The following ITGA9 variants were observed in gnomAD, a reference collection of about 807,000 sequenced individuals.
The protein encoded by ITGA9 is integrin subunit alpha 9.
ITGA9 carries 56 observed loss-of-function variants against 127.8 expected under a neutral mutation model. The observed-to-expected ratio is 0.44, with a 90% CI of 0.35 to 0.55. The LOEUF (loss-of-function observed/expected upper bound fraction) is 0.55, where lower values mean the gene tolerates loss of function less well. Ranked by LOEUF, ITGA9 falls within the 20% of genes least tolerant of loss-of-function variation. The pLI, the probability that ITGA9 is intolerant of heterozygous loss-of-function variation, is 0.00. For synonymous variants in ITGA9, 508 were observed against 514.5 expected, an observed-to-expected ratio of 0.99 and a Z score of 0.17; for missense variants, 1,196 against 1,347.1, an observed-to-expected ratio of 0.89 and a Z score of 1.76.
At chr3:37,745,666 G>C (rs890109098) in intron 22 of ITGA9, 1 of 152,210 alleles carries the variant, frequency 6.6e-6, no homozygotes, top group Non-Finnish European at 1.5e-5. Flanking sequence ...AAGAAGAACA[G>C]GGGTTGCACA....
intron 18 of ITGA9, among the ~76,000 whole-genome samples, chr3:37,687,364 A>G (rs557358540): frequency 1.3e-3 from 197 of 151,574 alleles, no homozygotes; most frequent in Non-Finnish European, 1.3e-3. Flanking sequence ...AATTCAGAGA[A>G]AAAGAACAAA....
At chr3:37,599,555 G>A (rs1489992460) in intron 15 of ITGA9, among the ~76,000 whole-genome samples, 1 of 152,186 alleles carries the variant, frequency 6.6e-6, no homozygotes, top group African/African-American at 2.4e-5. Context: ...TGGGAAAATA[G>A]CCTCTTCCTG....
chr3:37,754,474 A>G (rs549453094), intron 23 of ITGA9, among the ~76,000 whole-genome samples: 30 of 152,346 alleles, frequency 2.0e-4, no homozygotes, highest in Admixed American at 3.9e-4. Context: ...AGTCCAGAAG[A>G]GATATAAAAT....
intron 4 of ITGA9, among the ~76,000 whole-genome samples, chr3:37,490,330 T>C (rs867199035): frequency 2.0e-5 from 3 of 152,224 alleles, no homozygotes; most frequent in Non-Finnish European, 1.5e-5. Flanking sequence ...CTGAACATAT[T>C]GACATACTGA....
At chr3:37,625,419 C>T (rs1006228117) in intron 15 of ITGA9, among the ~76,000 whole-genome samples, 2 of 152,326 alleles carry the variant, frequency 1.3e-5, no homozygotes, top group Non-Finnish European at 2.9e-5. Context: ...ACCTCAGCTG[C>T]TGCAAATTCT....
At chr3:37,730,767 C>G (rs772223466) in intron 18 of ITGA9, among the ~76,000 whole-genome samples, 1 of 152,054 alleles carries the variant, frequency 6.6e-6, no homozygotes, top group Non-Finnish European at 1.5e-5. Context: ...TGTTTGGGGA[C>G]AAGACAGAGG....
At chr3:37,459,884 T>C (rs1698298280) in intron 1 of ITGA9, among the ~76,000 whole-genome samples, 1 of 152,202 alleles carries the variant, frequency 6.6e-6, no homozygotes, top group Admixed American at 6.5e-5. Context: ...GGATGCTTAT[T>C]CATGACCCAC....
chr3:37,790,472 C>T (rs1025163919), intron 26 of ITGA9: 9 of 348,608 alleles, frequency 2.6e-5, no homozygotes, highest in East Asian at 7.4e-5. Flanking sequence ...CTCAGGTTTA[C>T]GCCACTTGTG....
chr3:37,652,541 A>G (rs550733967), intron 16 of ITGA9, among the ~76,000 whole-genome samples: 2 of 152,082 alleles, frequency 1.3e-5, no homozygotes, highest in African/African-American at 4.8e-5. Flanking sequence ...GGGAATATGA[A>G]TTTTCATAGG....
chr3:37,752,647 G>T (rs1292759100), intron 23 of ITGA9, among the ~76,000 whole-genome samples: 1 of 152,168 alleles, frequency 6.6e-6, no homozygotes, highest in East Asian at 1.9e-4. Context: ...TATGGGCCCT[G>T]GGCTGTCACC....
chr3:37,747,470 A>G (rs1696515284), intron 22 of ITGA9, among the ~76,000 whole-genome samples: 1 of 152,122 alleles, frequency 6.6e-6, no homozygotes, highest in Admixed American at 6.5e-5. Flanking sequence ...CTATTGTGCT[A>G]TCAATTGCTA....
chr3:37,542,509 C>A lies in ITGA9; in HGVS notation c.1613C>A (p.Thr538Asn), dbSNP rs967136679. The A allele has an allele frequency of 3.7e-6, 6 of 1,613,934 alleles. No individual in the cohort carries two copies. The African/African-American group carries it at 5.3e-5, about 14-fold the overall frequency. The change falls in exon 15 of 28, where the codon ACC becomes AAC. Residue 538 changes from threonine to asparagine, a missense_variant. Coordinates refer to ENST00000264741, the MANE Select transcript of ITGA9 (RefSeq NM_002207.3). The stretch of plus-strand genomic sequence containing the variant: ...GTCTACTTTGTGCTGCTGGGAGAGA[C>A]CATGGGTCAGGTCACAGAGAAGCTG... The part of the protein sequence containing the change: ...PRVYFVLLGE[T>N]MGQVTEKLQL...
In ITGA9 at chr3:37,701,761, G is replaced by T. The variant is rs1700948815; in HGVS notation, c.2067+17746G>T. On this transcript the variant is annotated intron_variant, in intron 18 of 27. Coordinates refer to ENST00000264741, the MANE Select transcript of ITGA9 (RefSeq NM_002207.3). ...CCTGTGACCACCTCACAGACAAGGT[G>T]ACTTCTGGCTTCTCAGTGACTCAGC... Among the ~76,000 whole-genome samples, 3 of 152,196 alleles carry T rather than the reference G, an allele frequency of 2.0e-5. No homozygotes were observed. The South Asian group carries it at 6.2e-4, about 32-fold the overall frequency.
intron 18 of ITGA9, among the ~76,000 whole-genome samples, chr3:37,716,188 T>C (rs1266063881): frequency 6.6e-6 from 1 of 152,134 alleles, no homozygotes; most frequent in Non-Finnish European, 1.5e-5. Flanking sequence ...AGGAGCCCCG[T>C]GGCCATCCTC....
chr3:37,627,464 G>A (rs956303075), intron 15 of ITGA9, among the ~76,000 whole-genome samples: 7 of 152,080 alleles, frequency 4.6e-5, no homozygotes, highest in African/African-American at 9.7e-5. Context: ...CCGCAGCCCC[G>A]AGGAACTCTG....
chr3:37,460,239 G>A (rs963198787), intron 1 of ITGA9, among the ~76,000 whole-genome samples: 1 of 152,168 alleles, frequency 6.6e-6, no homozygotes, highest in African/African-American at 2.4e-5. Flanking sequence ...AACCCACACA[G>A]AGTCAAACTT....
At chr3:37,688,685 C>A (rs1575193393) in intron 18 of ITGA9, among the ~76,000 whole-genome samples, 1 of 152,134 alleles carries the variant, frequency 6.6e-6, no homozygotes, top group African/African-American at 2.4e-5. Flanking sequence ...CTGCCTTTAC[C>A]CAGGAATCAC....
At chr3:37,523,374 T>G in intron 11 of ITGA9, 147 bp from the exon 12 acceptor site, 1 of 680,810 alleles carries the variant, frequency 1.5e-6, no homozygotes, top group African/African-American at 1.8e-5. Context: ...TGCTAAAGAC[T>G]TGCTGATCAC....
intron 5 of ITGA9, among the ~76,000 whole-genome samples, chr3:37,500,594 T>G (rs1310876887): frequency 6.6e-6 from 1 of 152,202 alleles, no homozygotes; most frequent in Non-Finnish European, 1.5e-5. Context: ...ATTTTTTTTC[T>G]TTAGGTACTT....
Sources: gnomAD v4.1 joint callset for allele counts (sites outside exome capture counted in the v4.1 genomes callset) on GRCh38, gnomAD v4.1.1 for gene constraint, MANE v1.5 for transcripts, NCBI Gene and HGNC (gene_info 2026-07-23, HGNC 2026-07-21) for gene names.